The following VWA8 variants were observed in gnomAD, a reference collection of about 807,000 sequenced individuals.
VWA8 encodes von Willebrand factor A domain containing 8.
VWA8 carries 221 observed loss-of-function variants against 241.5 expected under a neutral mutation model. That is an observed-to-expected ratio of 0.91 (90% CI 0.82 to 1.02). The LOEUF (loss-of-function observed/expected upper bound fraction) is 1.02, where lower values mean the gene tolerates loss of function less well. Ranked by LOEUF, VWA8 falls within the 50% of genes least tolerant of loss-of-function variation. The pLI is 0.00. For synonymous variants in VWA8, 852 were observed against 827.1 expected, an observed-to-expected ratio of 1.03 and a Z score of -0.52; for missense variants, 2,322 against 2,328.7, an observed-to-expected ratio of 1.00 and a Z score of 0.06.
chr13:41,659,303 T>C (rs1053594560), intron 37 of VWA8, among the ~76,000 whole-genome samples: 2 of 152,240 alleles, frequency 1.3e-5, no homozygotes, highest in Non-Finnish European at 2.9e-5. Flanking sequence ...TTAACCTCCC[T>C]GTGCATTGGT....
At chr13:41,810,843 T>G (rs1432782566) in intron 17 of VWA8, among the ~76,000 whole-genome samples, 1 of 152,134 alleles carries the variant, frequency 6.6e-6, no homozygotes, top group African/African-American at 2.4e-5. Context: ...TTATTACATA[T>G]TCTATGCCTG....
In VWA8 at chr13:41,783,823, G is replaced by A; in HGVS notation, c.2249C>T (p.Pro750Leu). 1 of 1,613,142 alleles carries A rather than the reference G, an allele frequency of 6.2e-7. No homozygotes were observed. Among genetic ancestry groups the A allele is most frequent in the Non-Finnish European group, 8.5e-7 (1 of 1,179,642 alleles). The change falls in exon 19 of 45, where the codon CCT (proline) becomes CTT (leucine). Residue 750 changes from proline (P) to leucine (L), a missense_variant. Coordinates refer to ENST00000379310, the MANE Select transcript of VWA8 (RefSeq NM_015058.2). ...IYNAHEKMKV[P>L]DVLFYDNIQH... ...AATGTTGTCATAGAAAAGAACATCAGGCACTTTCATTTTCTCATGTGCATT... is the reference window on the plus strand; with the variant it reads ...AATGTTGTCATAGAAAAGAACATCAAGCACTTTCATTTTCTCATGTGCATT...
rs76930391 is a variant in VWA8, at chr13:41,918,047, C to A, written c.242-5879G>T. The stretch of plus-strand genomic sequence containing the variant: ...CATGAAGGGTGAAAATATTTAGCAC[C>A]AAAGTCCTCATTATTTACAACACGA... On this transcript the variant is annotated intron_variant, in intron 2 of 44. Transcript: ENST00000379310. Among the ~76,000 whole-genome samples the A allele has an allele frequency of 1.7e-3, 259 of 152,220 alleles. 2 individuals are homozygous for A. Among genetic ancestry groups the A allele is most frequent in the African/African-American group, 5.7e-3 (237 of 41,520 alleles).
Position 41,841,508 on chromosome 13 carries a change from C to T in VWA8, c.1426-7977G>A, listed in dbSNP as rs1003513019. 4.6e-5 allele frequency among the ~76,000 whole-genome samples: 7 copies of T among 151,748 alleles called. No homozygotes were observed. In the South Asian group the frequency reaches 6.3e-4, roughly 14 times the overall value. ...TGAATTAAAAATATAAACAGTAGGC[C>T]GGGTGCGGTGGCTCACGCCTGTAAT... is the stretch of plus-strand genomic sequence containing the variant. On this transcript the variant is annotated intron_variant, in intron 12 of 44. Coordinates refer to ENST00000379310, the MANE Select transcript of VWA8 (RefSeq NM_015058.2).
Position 41,703,494 on chromosome 13 carries a change from A to C in VWA8, c.3117-83T>G, listed in dbSNP as rs1174283558. 7.6e-6 allele frequency: 9 copies of C among 1,182,794 alleles called. No individual in the cohort carries two copies. In the East Asian group the frequency reaches 2.2e-4, roughly 29 times the overall value. 73.3% of individuals were successfully genotyped at this position (1,182,794 alleles called of 1,614,324 possible). ...AATAACACGGCATCTATTATCAACC[A>C]CACAAATAAATTTGAAGAGTGCTTT... is the stretch of plus-strand genomic sequence containing the variant. On this transcript the variant is annotated intron_variant, in intron 26 of 44. Coordinates refer to ENST00000379310, the MANE Select transcript of VWA8 (RefSeq NM_015058.2).
intron 27 of VWA8, among the ~76,000 whole-genome samples, chr13:41,702,039 A>G (rs1450933398): frequency 2.6e-5 from 4 of 152,252 alleles, no homozygotes; most frequent in African/African-American, 4.8e-5. Context: ...ACTTACTGAT[A>G]ACCACTAGTG....
chr13:41,816,556 G>A, intron 16 of VWA8, 142 bp downstream of exon 16: 1 of 683,852 alleles, frequency 1.5e-6, no homozygotes, highest in Non-Finnish European at 2.4e-6. Context: ...TAAACCATAT[G>A]CATAGAACAA....
At chr13:41,682,951 C>A (rs2045110741) in intron 35 of VWA8, among the ~76,000 whole-genome samples, 1 of 152,090 alleles carries the variant, frequency 6.6e-6, no homozygotes, top group Non-Finnish European at 1.5e-5. Flanking sequence ...GAGAAACTGA[C>A]AATACCAAGT....
chr13:41,767,789 G>C (rs2045789404), intron 20 of VWA8, among the ~76,000 whole-genome samples: 2 of 152,106 alleles, frequency 1.3e-5, no homozygotes, highest in Non-Finnish European at 2.9e-5. Flanking sequence ...TTTTCCCTTT[G>C]AAATACTGTG....
At chr13:41,740,205 T>A (rs886303191) in intron 21 of VWA8, among the ~76,000 whole-genome samples, 35 of 152,310 alleles carry the variant, frequency 2.3e-4, no homozygotes, top group African/African-American at 8.2e-4. Flanking sequence ...CTCTGAGGAA[T>A]CAGAGGACAG....
At chr13:41,937,706 A>T (rs1252124334) in intron 2 of VWA8, among the ~76,000 whole-genome samples, 1 of 152,212 alleles carries the variant, frequency 6.6e-6, no homozygotes, top group Non-Finnish European at 1.5e-5. Context: ...GATCAATGAA[A>T]TCACTTAATG....
At chr13:41,716,538 C>A (rs2045349102) in intron 26 of VWA8, among the ~76,000 whole-genome samples, 1 of 152,044 alleles carries the variant, frequency 6.6e-6, no homozygotes, top group Admixed American at 6.6e-5. Flanking sequence ...TTAGCATTAT[C>A]TTGGCCCTTG....
At chr13:41,887,468 T>C (rs570529399) in intron 5 of VWA8, 107 bp from the exon 6 acceptor site, 775 of 1,215,048 alleles carry the variant, frequency 6.4e-4, no homozygotes, top group Non-Finnish European at 8.4e-4. Flanking sequence ...AAAACTGTAT[T>C]GGAGAACACT....
At chr13:41,950,667 CTTTTTTT>C (rs373790890) in intron 1 of VWA8, among the ~76,000 whole-genome samples, 3 of 119,522 alleles carry the variant, frequency 2.5e-5, no homozygotes, top group African/African-American at 1.0e-4. Flanking sequence ...CACACTCAGC[CTTTTTTT>C]TTTTTTTTTT....
intron 21 of VWA8, among the ~76,000 whole-genome samples, chr13:41,752,430 C>T (rs1333599690): frequency 6.6e-6 from 1 of 152,122 alleles, no homozygotes; most frequent in Non-Finnish European, 1.5e-5. Context: ...GATGCATTTT[C>T]ACCACTGACA....
chr13:41,675,346 C>A, intron 35 of VWA8, 50 bp from the exon 36 acceptor site: 1 of 1,362,784 alleles, frequency 7.3e-7, no homozygotes, highest in Non-Finnish European at 1.0e-6. Flanking sequence ...TGCAAGATAC[C>A]AAAATGGTGC....
chr13:41,951,801 A>C (rs1878151878), intron 1 of VWA8, among the ~76,000 whole-genome samples: 1 of 152,228 alleles, frequency 6.6e-6, no homozygotes, highest in Non-Finnish European at 1.5e-5. Context: ...TATTTTTTGC[A>C]TTCTCAAAAT....
At chr13:41,832,992 G>C (rs114734228) in intron 13 of VWA8, among the ~76,000 whole-genome samples, 1,993 of 151,986 alleles carry the variant, frequency 0.013, 22 homozygotes, top group Middle Eastern at 0.048. Flanking sequence ...TAAGATCTAT[G>C]ATTGATAAGG....
intron 42 of VWA8, among the ~76,000 whole-genome samples, chr13:41,582,049 C>T (rs1272589995): frequency 6.6e-6 from 1 of 152,182 alleles, no homozygotes; most frequent in Non-Finnish European, 1.5e-5. Context: ...AGTAGAGGAG[C>T]TTATGCTGAT....
Sources: gnomAD v4.1 joint callset for allele counts (sites outside exome capture counted in the v4.1 genomes callset) on GRCh38, gnomAD v4.1.1 for gene constraint, MANE v1.5 for transcripts, NCBI Gene and HGNC (gene_info 2026-07-23, HGNC 2026-07-21) for gene names.